Variants in PDE9A observed in about 807,000 individuals in gnomAD.
The protein encoded by PDE9A is phosphodiesterase 9A.
In PDE9A, 60 loss-of-function variants were observed where a neutral mutation model predicts 87.4. The observed-to-expected ratio is 0.69, with a 90% CI of 0.56 to 0.85. The LOEUF (loss-of-function observed/expected upper bound fraction) is 0.85, where lower values mean the gene tolerates loss of function less well. Among genes scored for constraint, PDE9A ranks in the 40% least tolerant of loss-of-function variants. The pLI is 0.00. For missense variants in PDE9A, 665 were observed against 779.0 expected (o/e 0.85, Z 1.74); for synonymous variants, 272 against 279.4 (o/e 0.97, Z 0.27).
chr21:42,710,183 G>A (rs997863346), intron 4 of PDE9A, among the ~76,000 whole-genome samples: 3 of 152,004 alleles, frequency 2.0e-5, no homozygotes, highest in Admixed American at 6.6e-5. Flanking sequence ...CGAGGCGGGC[G>A]GATCACTTGA....
chr21:42,687,173 G>C (rs1286058273), intron 2 of PDE9A, among the ~76,000 whole-genome samples: 1 of 152,230 alleles, frequency 6.6e-6, no homozygotes, highest in Non-Finnish European at 1.5e-5. Context: ...TTAGGACGGA[G>C]GTGGAGAAGG....
At chr21:42,689,049 G>C (rs1441520871) in intron 3 of PDE9A, among the ~76,000 whole-genome samples, 2 of 151,400 alleles carry the variant, frequency 1.3e-5, no homozygotes. Flanking sequence ...AGGTCCCCGT[G>C]GGTGTGGCCA....
intron 19 of PDE9A, among the ~76,000 whole-genome samples, 190 bp from the exon 20 acceptor site, chr21:42,775,090 T>A (rs1306469616): frequency 6.6e-6 from 1 of 151,742 alleles, no homozygotes; most frequent in Non-Finnish European, 1.5e-5. Context: ...TACAGGTGTG[T>A]GCCACCACGC....
chr21:42,657,067 C>G lies in PDE9A; in HGVS notation c.69+3184C>G, dbSNP rs556427144. On this transcript the variant is annotated intron_variant, in intron 1 of 19. Transcript: ENST00000291539. Reference sequence around the variant, plus strand: ...AGACGTTGCAGGCTGGGTGGGCCAGCCCCGTGTGGGGCCTGATGAACAGGT... The same window carrying G: ...AGACGTTGCAGGCTGGGTGGGCCAGGCCCGTGTGGGGCCTGATGAACAGGT... 8.5e-5 allele frequency among the ~76,000 whole-genome samples: 13 copies of G among 152,374 alleles called. No homozygotes were observed. In the East Asian group the frequency reaches 1.3e-3, roughly 16 times the overall value.
intron 1 of PDE9A, among the ~76,000 whole-genome samples, chr21:42,684,165 C>T (rs1361434078): frequency 6.6e-6 from 1 of 152,390 alleles, no homozygotes; most frequent in South Asian, 2.1e-4. Flanking sequence ...AAGACACCAA[C>T]CTCCTCAGCA....
At chr21:42,669,795 C>T (rs2058282853) in intron 1 of PDE9A, among the ~76,000 whole-genome samples, 1 of 152,180 alleles carries the variant, frequency 6.6e-6, no homozygotes, top group South Asian at 2.1e-4. Flanking sequence ...CTCCATGCTG[C>T]TGCTCAGCAC....
At position 42,759,076 on chromosome 21, in the gene PDE9A, G is replaced by A. The variant is rs763652149; in HGVS notation, c.888G>A (p.Arg296=). ...RDFSINPVTL[R]RWLFCVHDNY... is the part of the protein sequence containing the mutation. ...TCAGCATCAACCCTGTCACCCTCAG[G>A]AGGTGGCTGGTGAGTGCCAAACCCG... The change falls in exon 11 of 20, where the codon AGG becomes AGA. Residue 296 remains arginine (R), a synonymous_variant. Coordinates refer to ENST00000291539, the MANE Select transcript of PDE9A (RefSeq NM_002606.3). This position sits in a 1 kb window ranked among gnomAD's most constrained non-coding sequence, Gnocchi z 7.2. The A allele has an allele frequency of 3.1e-6, 5 of 1,613,240 alleles. No homozygotes were observed. Among genetic ancestry groups the A allele is most frequent in the South Asian group, 1.1e-5 (1 of 91,070 alleles).
At chr21:42,726,624 A>ATATATATTTTTTTTTTTT in intron 4 of PDE9A, among the ~76,000 whole-genome samples, 1 of 19,778 alleles carries the variant, frequency 5.1e-5, no homozygotes, top group Non-Finnish European at 7.5e-5. Flanking sequence ...ATATATATAT[A>ATATATATTTTTTTTTTTT]TTTTTTTTTT....
rs1265796038 is a variant in PDE9A, at chr21:42,659,201, C to A, written c.69+5318C>A. On this transcript the variant is annotated intron_variant, in intron 1 of 19. Transcript: ENST00000291539. The surrounding 1 kb of genome is among the most constrained non-coding windows in gnomAD (Gnocchi z 4.1). The stretch of plus-strand genomic sequence containing the variant: ...CCACACTCCTTCCCATTGGTGTGGT[C>A]CGAATTCCCCTTTAGCCAGACATTT... Among the ~76,000 whole-genome samples, 1 of 152,148 alleles carries A rather than the reference C, an allele frequency of 6.6e-6. No homozygotes were observed. Among genetic ancestry groups the A allele is most frequent in the Admixed American group, 6.5e-5 (1 of 15,276 alleles).
intron 1 of PDE9A, among the ~76,000 whole-genome samples, chr21:42,670,069 ACT>A (rs1244876494): frequency 8.6e-5 from 13 of 151,940 alleles, no homozygotes; most frequent in African/African-American, 2.4e-4. Flanking sequence ...ACATTCACAC[ACT>A]CACATACTTA....
At chr21:42,663,783 C>A (rs1365562161) in intron 1 of PDE9A, among the ~76,000 whole-genome samples, 1 of 152,200 alleles carries the variant, frequency 6.6e-6, no homozygotes, top group Non-Finnish European at 1.5e-5. Flanking sequence ...CTGAAGCATG[C>A]CAGGCCCCAT....
chr21:42,746,213 A>G (rs2053830337), intron 8 of PDE9A, among the ~76,000 whole-genome samples: 1 of 152,216 alleles, frequency 6.6e-6, no homozygotes, highest in African/African-American at 2.4e-5. Context: ...TCTGGTGTGC[A>G]CTAGTCCTGC....
In PDE9A at chr21:42,670,320, T is replaced by TCACACA. The variant is rs374288408; in HGVS notation, c.70-15868_70-15867insCACACA. On this transcript the variant is annotated intron_variant, in intron 1 of 19. Coordinates refer to ENST00000291539, the MANE Select transcript of PDE9A (RefSeq NM_002606.3). ...ACACACATACACTTAGACACCACACTCACATTCACACACATTCACATACAT... is the reference window on the plus strand; with the variant it reads ...ACACACATACACTTAGACACCACACTCACACACACATTCACACACATTCACATACAT... Among the ~76,000 whole-genome samples, 442 of 139,928 alleles carry TCACACA rather than the reference T, an allele frequency of 3.2e-3. 36 individuals carry two copies. The highest frequency in any genetic ancestry group is 5.3e-3 in the African/African-American group (182 of 34,396). 91.8% of individuals were successfully genotyped at this position (139,928 alleles called of 152,430 possible).
rs1293228634 is a variant in PDE9A at position 42,775,480 on chromosome 21, T to C, written c.*187T>C. ...TGTACAGAATTTTATTTTTAAACTG[T>C]CTTTTAAATAATATATTCTTATACG... On this transcript the variant is annotated 3_prime_UTR_variant, in exon 20 of 20. Transcript: ENST00000291539. The C allele has an allele frequency of 8.8e-5, 45 of 510,314 alleles. No homozygotes were observed. Among genetic ancestry groups the C allele is most frequent in the Non-Finnish European group, 2.1e-5 (6 of 285,586 alleles). 31.6% of individuals were successfully genotyped at this position (510,314 alleles called of 1,614,324 possible).
chr21:42,677,789 C>T (rs2058937204), intron 1 of PDE9A, among the ~76,000 whole-genome samples: 1 of 152,172 alleles, frequency 6.6e-6, no homozygotes, highest in Non-Finnish European at 1.5e-5. Context: ...ACTACAGGCA[C>T]ATGCCCCCAC....
intron 19 of PDE9A, among the ~76,000 whole-genome samples, chr21:42,773,907 A>C (rs914986594): frequency 1.1e-4 from 17 of 151,600 alleles, no homozygotes; most frequent in East Asian, 7.8e-4. Flanking sequence ...GATCGAGACC[A>C]TCCTGGCTAA....
At chr21:42,733,323 A>G (rs1457465474) in intron 6 of PDE9A, 33 bp from the exon 7 acceptor site, 8 of 1,306,144 alleles carry the variant, frequency 6.1e-6, no homozygotes, top group Non-Finnish European at 8.9e-6. Flanking sequence ...TTTAAGGGTC[A>G]TATTTACTCT....
intron 10 of PDE9A, among the ~76,000 whole-genome samples, chr21:42,755,781 G>A (rs1458622735): frequency 3.9e-5 from 6 of 152,174 alleles, no homozygotes; most frequent in Admixed American, 1.3e-4. Flanking sequence ...GGCAACCGCC[G>A]CACCTCAGCA....
chr21:42,768,724 A>C, intron 16 of PDE9A: 1 of 985,432 alleles, frequency 1.0e-6, no homozygotes, highest in Non-Finnish European at 1.2e-6. Flanking sequence ...TTAATACAAC[A>C]GCTTGATGAA....
Sources: allele counts gnomAD v4.1 joint callset (sites outside exome capture counted in the v4.1 genomes callset), GRCh38; gene constraint gnomAD v4.1.1; non-coding constraint Gnocchi (gnomAD v3.1); transcripts MANE v1.5; gene names NCBI Gene and HGNC (gene_info 2026-07-23, HGNC 2026-07-21).